PACRGL: variants seen among roughly 807,000 people sequenced by gnomAD.
PACRGL encodes the protein PACRG-like protein.
A neutral mutation model predicts 34.5 loss-of-function variants in PACRGL; 38 were observed. That is an observed-to-expected ratio of 1.10 (90% CI 0.85 to 1.44). The LOEUF is 1.44. Among genes scored for constraint, PACRGL ranks in the 40% most tolerant of loss-of-function variants. PACRGL has a pLI of 0.00. For synonymous variants in PACRGL, 128 were observed against 100.1 expected (o/e 1.28, Z -1.66); for missense variants, 305 against 281.4 (o/e 1.08, Z -0.60).
At position 20,730,561 on chromosome 4, in the gene PACRGL, TTGGAGGCTGGCGCATAGGAGGCAGGGTGG is replaced by T. The variant is rs577147704; in HGVS notation, c.*3225_*3253del. On this transcript the variant is annotated 3_prime_UTR_variant, in exon 9 of 9. Transcript: ENST00000503585. ...TGTATGAGCCAGCAGTTCATGAAGA[TTGGAGGCTGGCGCATAGGAGGCAGGGTGG>T]TGGATTAAGAGGTAACATGTTTGCA... Among the ~76,000 whole-genome samples the T allele has an allele frequency of 1.7e-3, 252 of 152,060 alleles. No individual in the cohort carries two copies. Among genetic ancestry groups the T allele is most frequent in the African/African-American group, 5.7e-3 (235 of 41,408 alleles).
intron 3 of PACRGL, among the ~76,000 whole-genome samples, chr4:20,705,488 A>T (rs1333822632): frequency 4.6e-5 from 7 of 152,166 alleles, no homozygotes; most frequent in African/African-American, 1.7e-4. Context: ...GAGCTCTCCA[A>T]GACAGAAGGA....
chr4:20,761,923 A>G, the PACRGL span, among the ~76,000 whole-genome samples: 1 of 152,284 alleles, frequency 6.6e-6, no homozygotes, highest in East Asian at 1.9e-4. Flanking sequence ...CACATACTGT[A>G]TGCCTATTAT....
chr4:20,711,432 G>A (rs1348780455), intron 5 of PACRGL, among the ~76,000 whole-genome samples: 3 of 152,160 alleles, frequency 2.0e-5, no homozygotes, highest in Non-Finnish European at 4.4e-5. Context: ...TAATCTGAGA[G>A]TTTTTATCTT....
chr4:20,708,228 A>G (rs140337206), intron 4 of PACRGL, among the ~76,000 whole-genome samples: 2 of 152,260 alleles, frequency 1.3e-5, no homozygotes, highest in East Asian at 1.9e-4. Flanking sequence ...AATTGTTTAT[A>G]TTTCATAATA....
At chr4:20,713,621 A>G (rs62410126) in intron 7 of PACRGL, 82 bp downstream of exon 7, 1 of 1,201,462 alleles carries the variant, frequency 8.3e-7, no homozygotes, top group African/African-American at 1.5e-5. Context: ...ACAATTTCAA[A>G]TCTTCAACTC....
downstream of PACRGL, chr4:20,734,554 A>G (rs1325696978): frequency 2.8e-6 from 2 of 716,544 alleles, no homozygotes; most frequent in Non-Finnish European, 4.4e-6. Flanking sequence ...CAAATTAATA[A>G]TTGCAATTAA....
At chr4:20,717,740 T>C (rs1740838428) in intron 7 of PACRGL, among the ~76,000 whole-genome samples, 1 of 152,192 alleles carries the variant, frequency 6.6e-6, no homozygotes, top group South Asian at 2.1e-4. Flanking sequence ...ACTGTAGCCT[T>C]GTAGTATAGT....
At chr4:20,716,928 G>A (rs1333881880) in intron 7 of PACRGL, among the ~76,000 whole-genome samples, 1 of 152,222 alleles carries the variant, frequency 6.6e-6, no homozygotes, top group Non-Finnish European at 1.5e-5. Flanking sequence ...CACAATGGTT[G>A]AACTGGTTTA....
At chr4:20,704,307 A>T (rs114563003) in intron 1 of PACRGL, among the ~76,000 whole-genome samples, 159 bp from the exon 2 acceptor site, 122 of 152,276 alleles carry the variant, frequency 8.0e-4, no homozygotes, top group Non-Finnish European at 1.3e-3. Flanking sequence ...ACATAATTTC[A>T]TGTTTTCTCA....
the PACRGL span, among the ~76,000 whole-genome samples, chr4:20,765,706 T>C: frequency 6.6e-5 from 10 of 152,310 alleles, no homozygotes; most frequent in Admixed American, 2.0e-4. Flanking sequence ...ATGATGACCA[T>C]TGCATTTCTT....
the PACRGL span, among the ~76,000 whole-genome samples, chr4:20,766,611 T>A: frequency 6.6e-6 from 1 of 152,050 alleles, no homozygotes; most frequent in Non-Finnish European, 1.5e-5. Context: ...TTAGAGACAA[T>A]TCAATTCAAT....
chr4:20,735,126 T>C (rs1353839706), downstream of PACRGL, among the ~76,000 whole-genome samples: 1 of 152,214 alleles, frequency 6.6e-6, no homozygotes, highest in East Asian at 1.9e-4. Flanking sequence ...AACCGTTTGC[T>C]AATAAGAAAT....
chr4:20,720,806 G>T (rs1329776833), intron 7 of PACRGL, among the ~76,000 whole-genome samples: 1 of 151,738 alleles, frequency 6.6e-6, no homozygotes, highest in Non-Finnish European at 1.5e-5. Context: ...ATGTGTCTTG[G>T]AGTTGCTCTT....
At chr4:20,704,591 C>A in intron 2 of PACRGL, 58 bp downstream of exon 2, 1 of 1,612,912 alleles carries the variant, frequency 6.2e-7, no homozygotes, top group Non-Finnish European at 8.5e-7. Context: ...ACTTTCTGTG[C>A]TACAGATGGA....
intron 1 of PACRGL, among the ~76,000 whole-genome samples, chr4:20,704,110 G>T (rs1373549851): frequency 1.3e-5 from 2 of 152,152 alleles, no homozygotes; most frequent in African/African-American, 4.8e-5. Flanking sequence ...AGAGAAGATG[G>T]AGAAGATGAC....
At position 20,740,224 on chromosome 4, in the gene PACRGL, A is replaced by T. The variant is rs555780044; in HGVS notation, c.*57-12341A>T. On this transcript the variant is annotated intron_variant, in intron 8 of 8. Coordinates refer to the PACRGL transcript ENST00000507634. ...GTCAGGCCAACATTCAAATTCAGGA[A>T]ATACAGAGAATGCCACCAAGATACT... 1.8e-4 allele frequency among the ~76,000 whole-genome samples: 28 copies of T among 152,296 alleles called. No individual in the cohort carries two copies. In the East Asian group the frequency reaches 5.2e-3, roughly 28 times the overall value.
intron 7 of PACRGL, among the ~76,000 whole-genome samples, chr4:20,715,809 G>T (rs1739679023): frequency 6.6e-6 from 1 of 152,064 alleles, no homozygotes; most frequent in Admixed American, 6.6e-5. Context: ...AGGTTGTAGT[G>T]GGACAAGATT....
At chr4:20,726,369 ATTAT>A (rs932116711) in intron 8 of PACRGL, among the ~76,000 whole-genome samples, 5 of 152,058 alleles carry the variant, frequency 3.3e-5, no homozygotes, top group Non-Finnish European at 5.9e-5. Context: ...AAGGGCTGTT[ATTAT>A]TTATTTTCTT....
In PACRGL at chr4:20,728,903, A is replaced by T. The variant is rs975537742; in HGVS notation, c.*1562A>T. 1 of 146,054 alleles carries T rather than the reference A, an allele frequency of 6.8e-6. No individual in the cohort carries two copies. The highest frequency in any genetic ancestry group is 2.6e-5 in the African/African-American group (1 of 38,224). The allele number at this position is 146,054 out of a possible 1,614,324, so 9.0% of individuals were successfully genotyped here. ...GTGGCTTTAGTAATGTGGCAACTTT[A>T]CAGTTTTGGCTAAGATGATTAAAAA... On this transcript the variant is annotated 3_prime_UTR_variant, in exon 9 of 9. Transcript: ENST00000503585.
Sources: allele counts gnomAD v4.1 joint callset (sites outside exome capture counted in the v4.1 genomes callset), GRCh38; gene constraint gnomAD v4.1.1; transcripts MANE v1.5; gene names NCBI Gene and HGNC (gene_info 2026-07-23, HGNC 2026-07-21).